The following HNRNPA3 variants were observed in gnomAD, a reference collection of about 807,000 sequenced individuals.
HNRNPA3 encodes heterogeneous nuclear ribonucleoprotein A3.
Under a neutral mutation model 45.8 loss-of-function variants are expected in HNRNPA3, and 3 were observed. The ratio of observed to expected loss-of-function variants is 0.07; its 90% CI spans 0.03 to 0.17. The LOEUF (loss-of-function observed/expected upper bound fraction) is 0.17, where lower values mean the gene tolerates loss of function less well. Ranked by LOEUF, HNRNPA3 falls within the 10% of genes least tolerant of loss-of-function variation. The pLI is 1.00. For missense variants in HNRNPA3, 183 were observed against 480.3 expected (o/e 0.38, Z 5.79); for synonymous variants, 170 against 155.6 (o/e 1.09, Z -0.69).
At chr2:177,214,711 C>CGTGAACCCGGGAGGCGGAGGTTGCA (rs1356516072) in intron 1 of HNRNPA3, among the ~76,000 whole-genome samples, 5 of 152,208 alleles carry the variant, frequency 3.3e-5, no homozygotes, top group Admixed American at 3.3e-4. Context: ...AGGAAAATGG[C>CGTGAACCCGGGAGGCGGAGGTTGCA]GTGAACCCGG....
intron 8 of HNRNPA3, 45 bp downstream of exon 8, chr2:177,217,890 G>GA (rs781030956): frequency 6.7e-7 from 1 of 1,483,318 alleles, no homozygotes; most frequent in Non-Finnish European, 9.0e-7. Context: ...ATTCAGTGTT[G>GA]CTAACAGTTC....
chr2:177,218,939 A>C, intron 8 of HNRNPA3, 98 bp from the exon 9 acceptor site: 1 of 1,446,846 alleles, frequency 6.9e-7, no homozygotes, highest in Non-Finnish European at 9.5e-7. Context: ...GTGTATAAGC[A>C]TGCTACCATA....
chr2:177,221,642 T>C (rs2105440524), downstream of HNRNPA3: 1 of 152,748 alleles, frequency 6.5e-6, no homozygotes, highest in African/African-American at 2.4e-5. Flanking sequence ...TAACCACCTT[T>C]AAAGGACCTA....
At chr2:177,218,127 T>A (rs1474157594) in intron 8 of HNRNPA3, among the ~76,000 whole-genome samples, 1 of 149,004 alleles carries the variant, frequency 6.7e-6, no homozygotes, top group African/African-American at 2.5e-5. Context: ...AGTGGCGTGA[T>A]CTCAGCTCAT....
chr2:177,212,829 C>G (rs1219386171), exon 1 of HNRNPA3: 2 of 1,561,014 alleles, frequency 1.3e-6, no homozygotes, highest in South Asian at 2.3e-5. Context: ...CCGGTCGCCC[C>G]CAGCCCGACT....
chr2:177,222,795 C>T, downstream of HNRNPA3: 1 of 152,532 alleles, frequency 6.6e-6, no homozygotes, highest in African/African-American at 2.4e-5. Flanking sequence ...GAAAAGTTAC[C>T]AGATGTCATG....
At chr2:177,214,377 AG>A (rs1688835222) in intron 1 of HNRNPA3, among the ~76,000 whole-genome samples, 1 of 151,456 alleles carries the variant, frequency 6.6e-6, no homozygotes, top group South Asian at 2.1e-4. Context: ...TTTTTTCCTC[AG>A]TTTTTTTGGG....
intron 1 of HNRNPA3, among the ~76,000 whole-genome samples, chr2:177,213,964 T>G (rs1051252050): frequency 2.0e-5 from 3 of 152,250 alleles, no homozygotes; most frequent in African/African-American, 4.8e-5. Context: ...GAATTAATGC[T>G]TTAGGCTATT....
downstream of HNRNPA3, chr2:177,223,116 A>G (rs1243066703): frequency 1.3e-5 from 2 of 152,492 alleles, no homozygotes; most frequent in African/African-American, 4.8e-5. Flanking sequence ...TAGTTTCTAA[A>G]TTATCAATTC....
rs767769505 is a variant in HNRNPA3, at chr2:177,216,852, T to A, written c.740-8T>A. The A allele has an allele frequency of 1.2e-6, 2 of 1,612,540 alleles. No homozygotes were observed. Among genetic ancestry groups the A allele is most frequent in the South Asian group, 2.2e-5 (2 of 90,592 alleles). On this transcript the variant is annotated splice_polypyrimidine_tract_variant and splice_region_variant and intron_variant, in intron 6 of 10. Coordinates refer to ENST00000392524, the Ensembl canonical transcript of HNRNPA3. The stretch of plus-strand genomic sequence containing the variant: ...TATTATTTTAATTCATTTCTTGTTT[T>A]TCCTCAGGAGGCTATGGTGGTGGAG...
At chr2:177,219,956 T>A (rs921015177) in exon 11 of HNRNPA3, 1 of 152,616 alleles carries the variant, frequency 6.6e-6, no homozygotes, top group Non-Finnish European at 1.5e-5. Flanking sequence ...TTAAGGGGAA[T>A]CTATTCTCCC....
chr2:177,212,859 C>T (rs1688740449), exon 1 of HNRNPA3: 25 of 1,528,562 alleles, frequency 1.6e-5, no homozygotes, highest in Non-Finnish European at 2.2e-5. Context: ...GCCGTCGCCG[C>T]CGGGGGGAGG....
chr2:177,220,727 A>G (rs1365337894), downstream of HNRNPA3: 1 of 152,648 alleles, frequency 6.6e-6, no homozygotes, highest in African/African-American at 2.4e-5. Context: ...CAAAGAACAC[A>G]CTGTTATTTC....
downstream of HNRNPA3, chr2:177,223,383 AGTT>A (rs936349648): frequency 1.3e-5 from 2 of 151,878 alleles, no homozygotes; most frequent in African/African-American, 2.4e-5. Context: ...TATTCTCAGA[AGTT>A]GTAGCAGCAG....
chr2:177,216,666 T>G lies in HNRNPA3; in HGVS notation c.644-10T>G, dbSNP rs1386285997. ...AAGGTTCTTAAAAATCTCCCTTGCC[T>G]GTATTAAAGGTCGTGGAGGTGGATC... On this transcript the variant is annotated splice_polypyrimidine_tract_variant and intron_variant, in intron 5 of 10. Transcript: ENST00000392524. 7 of 1,613,958 alleles carry G rather than the reference T, an allele frequency of 4.3e-6. No homozygotes were observed. The highest frequency in any genetic ancestry group is 1.3e-5 in the African/African-American group (1 of 74,918).
chr2:177,222,332 A>T (rs1411526724), downstream of HNRNPA3: 3 of 152,226 alleles, frequency 2.0e-5, no homozygotes, highest in Admixed American at 6.5e-5. Flanking sequence ...ATAAGTATTC[A>T]TATCAAGTCA....
At chr2:177,215,693 G>A (rs1263161252) in intron 2 of HNRNPA3, 32 bp downstream of exon 2, 2 of 1,613,244 alleles carry the variant, frequency 1.2e-6, no homozygotes, top group South Asian at 2.2e-5. Flanking sequence ...AGGGTTCTAA[G>A]GGGTGTAGAG....
chr2:177,216,476 G>T, intron 4 of HNRNPA3, 27 bp from the exon 5 acceptor site: 2 of 1,543,286 alleles, frequency 1.3e-6, no homozygotes, highest in South Asian at 1.1e-5. Context: ...ATAACTTTTT[G>T]TTTTGTTTGA....
At chr2:177,217,746 G>T in exon 8 of HNRNPA3, 1 of 1,613,150 alleles carries the variant, frequency 6.2e-7, no homozygotes, top group Non-Finnish European at 8.5e-7. Flanking sequence ...TAGTAGAGGG[G>T]GCTATGGTGG....
Sources: allele counts gnomAD v4.1 joint callset (sites outside exome capture counted in the v4.1 genomes callset), GRCh38; gene constraint gnomAD v4.1.1; transcripts MANE v1.5; gene names NCBI Gene and HGNC (gene_info 2026-07-23, HGNC 2026-07-21).